Variants in RUNX1T1 observed in about 807,000 individuals in gnomAD.
RUNX1T1 encodes the protein protein CBFA2T1.
RUNX1T1 carries 4 observed loss-of-function variants against 62.8 expected under a neutral mutation model. That is an observed-to-expected ratio of 0.06 (90% CI 0.03 to 0.15). The LOEUF (loss-of-function observed/expected upper bound fraction) is 0.15, where lower values mean the gene tolerates loss of function less well. Ranked by LOEUF, RUNX1T1 falls within the 10% of genes least tolerant of loss-of-function variation. RUNX1T1 has a pLI of 1.00. For synonymous variants in RUNX1T1, 291 were observed against 286.0 expected, an observed-to-expected ratio of 1.02 and a Z score of -0.18; for missense variants, 508 against 754.3, an observed-to-expected ratio of 0.67 and a Z score of 3.82.
intron 8 of RUNX1T1, among the ~76,000 whole-genome samples, chr8:91,984,524 T>C (rs918862269): frequency 3.9e-5 from 6 of 152,182 alleles, no homozygotes; most frequent in Non-Finnish European, 7.3e-5. Flanking sequence ...TTTTCCTTCA[T>C]TAGAATGCCT....
At chr8:92,064,290 A>G (rs1832536932), upstream of RUNX1T1, among the ~76,000 whole-genome samples, 1 of 152,202 alleles carries the variant, frequency 6.6e-6, no homozygotes, top group East Asian at 1.9e-4. Context: ...AAAATCCATC[A>G]TTGTCAGAGA....
intron 1 of RUNX1T1, among the ~76,000 whole-genome samples, chr8:92,056,976 AT>A (rs1446681333): frequency 1.3e-5 from 2 of 152,088 alleles, no homozygotes; most frequent in Non-Finnish European, 2.9e-5. Flanking sequence ...TAAATTTATG[AT>A]TTCTTTTTTG....
intron 5 of RUNX1T1, chr8:91,994,389 A>G (rs186711173): frequency 4.2e-4 from 86 of 203,834 alleles, no homozygotes; most frequent in Admixed American, 1.2e-3. Context: ...TTTCTAAAAA[A>G]TACACTTCAA....
At chr8:92,019,643 T>C (rs556931723) in intron 1 of RUNX1T1, among the ~76,000 whole-genome samples, 1 of 152,254 alleles carries the variant, frequency 6.6e-6, no homozygotes, top group East Asian at 1.9e-4. Context: ...CTTAAACATA[T>C]TTGAAGGCTA....
intron 5 of RUNX1T1, among the ~76,000 whole-genome samples, chr8:92,001,859 T>G (rs1450899902): frequency 6.6e-6 from 1 of 152,230 alleles, no homozygotes; most frequent in Non-Finnish European, 1.5e-5. Flanking sequence ...TAAATCTTAA[T>G]AATTTTAATC....
intron 1 of RUNX1T1, 86 bp from the exon 3 acceptor site, chr8:92,017,449 G>C: frequency 6.2e-7 from 1 of 1,600,912 alleles, no homozygotes; most frequent in Non-Finnish European, 8.5e-7. Context: ...AAAAGCAAGT[G>C]AACAGAAGAA....
chr8:91,983,717 A>C (rs1011998943), intron 8 of RUNX1T1, among the ~76,000 whole-genome samples: 1 of 152,196 alleles, frequency 6.6e-6, no homozygotes, highest in African/African-American at 2.4e-5. Context: ...CAATCCTTTC[A>C]TTACACACAT....
intron 1 of RUNX1T1, among the ~76,000 whole-genome samples, chr8:92,079,248 T>C (rs1834876464): frequency 6.6e-6 from 1 of 152,258 alleles, no homozygotes; most frequent in South Asian, 2.1e-4. Context: ...AGAAACATTT[T>C]ATATCATAAA....
intron 1 of RUNX1T1, among the ~76,000 whole-genome samples, chr8:92,038,631 G>A (rs1007085272): frequency 1.3e-5 from 2 of 152,080 alleles, no homozygotes; most frequent in Non-Finnish European, 1.5e-5. Context: ...AAGTCATCCA[G>A]TAAAAAAACC....
chr8:91,986,283 A>G (rs1420192061), exon 8 of RUNX1T1: 1 of 1,613,964 alleles, frequency 6.2e-7, no homozygotes, highest in East Asian at 2.2e-5. Context: ...ACGGTGAGAG[A>G]TCGCCTTGTT....
At chr8:92,064,006 C>T (rs1832480924), upstream of RUNX1T1, among the ~76,000 whole-genome samples, 1 of 152,160 alleles carries the variant, frequency 6.6e-6, no homozygotes, top group East Asian at 1.9e-4. Flanking sequence ...TCTACACTTT[C>T]CATATGCTTT....
At chr8:92,100,789 G>C (rs573646521), upstream of RUNX1T1, among the ~76,000 whole-genome samples, 115 of 152,338 alleles carry the variant, frequency 7.5e-4, no homozygotes, top group Non-Finnish European at 1.1e-3. Flanking sequence ...GGATAAAAGA[G>C]AGGGAAATCC....
At chr8:92,031,382 G>T (rs902970405) in intron 1 of RUNX1T1, among the ~76,000 whole-genome samples, 2 of 152,070 alleles carry the variant, frequency 1.3e-5, no homozygotes, top group Non-Finnish European at 2.9e-5. Context: ...TGTTTTAAAA[G>T]TTAATCTGAA....
intron 10 of RUNX1T1, among the ~76,000 whole-genome samples, chr8:91,967,991 C>G (rs1428581731): frequency 6.6e-6 from 1 of 152,116 alleles, no homozygotes; most frequent in African/African-American, 2.4e-5. Flanking sequence ...TTCAAAAACA[C>G]TATTTTAAAA....
chr8:92,016,225 G>GAAAT (rs532433732), intron 2 of RUNX1T1, among the ~76,000 whole-genome samples: 85 of 152,288 alleles, frequency 5.6e-4, no homozygotes, highest in African/African-American at 2.0e-3. Flanking sequence ...TATCCCTAAT[G>GAAAT]AAATACACAG....
chr8:91,986,352 A>G, intron 7 of RUNX1T1, 27 bp from the exon 9 acceptor site: 1 of 1,532,860 alleles, frequency 6.5e-7, no homozygotes, highest in Non-Finnish European at 9.0e-7. Context: ...AGAATAGGGA[A>G]GAGCATATAA....
chr8:92,087,923 T>C (rs1360007727), intron 1 of RUNX1T1, among the ~76,000 whole-genome samples: 2 of 152,236 alleles, frequency 1.3e-5, no homozygotes, highest in Non-Finnish European at 2.9e-5. Context: ...GGCACATCAA[T>C]GGAGACTGAT....
chr8:92,043,590 A>G (rs1828856771), intron 1 of RUNX1T1, among the ~76,000 whole-genome samples: 1 of 152,162 alleles, frequency 6.6e-6, no homozygotes, highest in Non-Finnish European at 1.5e-5. Context: ...AGAGTGTTAC[A>G]CTAAAGATGG....
chr8:91,982,744 G>A (rs2976505), intron 8 of RUNX1T1, among the ~76,000 whole-genome samples: 36,996 of 151,800 alleles, frequency 0.24, 4,856 homozygotes, highest in African/African-American at 0.34. Flanking sequence ...CAGTAAAAAC[G>A]ATAAATATCT....
Sources: allele counts gnomAD v4.1 joint callset (sites outside exome capture counted in the v4.1 genomes callset), GRCh38; gene constraint gnomAD v4.1.1; transcripts MANE v1.5; gene names NCBI Gene and HGNC (gene_info 2026-07-23, HGNC 2026-07-21).